SLC25A13: variants seen among roughly 807,000 people sequenced by gnomAD.
SLC25A13 encodes the protein electrogenic aspartate/glutamate antiporter SLC25A13, mitochondrial.
In SLC25A13, 70 loss-of-function variants were observed where a neutral mutation model predicts 85.5. The observed-to-expected ratio is 0.82, with a 90% CI of 0.68 to 1.00. The LOEUF (loss-of-function observed/expected upper bound fraction) is 1.00. Ranked by LOEUF, SLC25A13 falls within the 50% of genes least tolerant of loss-of-function variation. The pLI, the probability that SLC25A13 is intolerant of heterozygous loss-of-function variation, is 0.00. For missense variants in SLC25A13, 765 were observed against 819.8 expected (o/e 0.93, Z 0.82); for synonymous variants, 259 against 288.7 (o/e 0.90, Z 1.04).
At chr7:96,309,291 A>T (rs1191757430) in intron 1 of SLC25A13, among the ~76,000 whole-genome samples, 4 of 152,116 alleles carry the variant, frequency 2.6e-5, no homozygotes, top group African/African-American at 9.7e-5. Context: ...ATCACAAGGG[A>T]GAGTTTCTCT....
intron 11 of SLC25A13, among the ~76,000 whole-genome samples, chr7:96,175,858 A>C (rs1255251005): frequency 6.6e-6 from 1 of 152,272 alleles, no homozygotes; most frequent in Non-Finnish European, 1.5e-5. Context: ...ATTAACTTCA[A>C]CTTAGAATAA....
rs1421663575 is a variant in SLC25A13, at chr7:96,170,103, T to G, written c.1253A>C (p.Lys418Thr). ...KLTVNDFVRDKFMHKDGSVPL... is the reference protein window; with the variant it reads ...KLTVNDFVRDTFMHKDGSVPL... Reference sequence around the variant, plus strand: ...GACCGAACCATCTTTGTGCATAAATTTATCCCTCACAAAATCGTTCACCTT... The same window carrying G: ...GACCGAACCATCTTTGTGCATAAATGTATCCCTCACAAAATCGTTCACCTT... The change falls in exon 13 of 18, where the codon AAA (lysine) becomes ACA (threonine). Residue 418 changes from lysine (K) to threonine (T), a missense_variant. By Grantham distance (78) the Lys-to-Thr change is moderately conservative. Transcript: ENST00000265631. 10 of 1,614,182 alleles carry G rather than the reference T, an allele frequency of 6.2e-6. No homozygotes were observed. The South Asian group carries it at 9.9e-5, about 16-fold the overall frequency.
At chr7:96,184,459 C>T in intron 10 of SLC25A13, 24 bp from the exon 11 acceptor site, 2 of 1,610,784 alleles carry the variant, frequency 1.2e-6, no homozygotes, top group African/African-American at 1.3e-5. Flanking sequence ...ATATCATTAT[C>T]TCAGAAGAAA....
intron 3 of SLC25A13, among the ~76,000 whole-genome samples, chr7:96,269,959 G>C (rs1798173653): frequency 6.6e-6 from 1 of 152,194 alleles, no homozygotes; most frequent in Admixed American, 6.5e-5. Flanking sequence ...GCCTCCCTTG[G>C]GGGAAGGGGA....
At chr7:96,164,711 T>TACACACACACACACACACACACACAC (rs56377235) in intron 13 of SLC25A13, among the ~76,000 whole-genome samples, 136 of 143,120 alleles carry the variant, frequency 9.5e-4, no homozygotes, top group Middle Eastern at 3.6e-3. Flanking sequence ...GGATTAACTT[T>TACACACACACACACACACACACACAC]ACACACACAC....
At chr7:96,306,897 C>A in intron 1 of SLC25A13, 1 of 1,098,584 alleles carries the variant, frequency 9.1e-7, no homozygotes, top group Non-Finnish European at 1.4e-6. Context: ...ACTCCAATCT[C>A]TCTTGCCCTT....
intron 13 of SLC25A13, among the ~76,000 whole-genome samples, chr7:96,157,489 T>C (rs1430441746): frequency 2.0e-5 from 3 of 152,160 alleles, no homozygotes; most frequent in Non-Finnish European, 4.4e-5. Context: ...GGAAGTGATA[T>C]AGCTATTTAT....
intron 14 of SLC25A13, among the ~76,000 whole-genome samples, chr7:96,136,556 T>A (rs1484064375): frequency 1.3e-5 from 2 of 152,198 alleles, no homozygotes; most frequent in Non-Finnish European, 2.9e-5. Flanking sequence ...TTAAAACTCT[T>A]CATCTTGGAT....
intron 11 of SLC25A13, among the ~76,000 whole-genome samples, chr7:96,177,691 T>G (rs1188732262): frequency 6.6e-6 from 1 of 152,168 alleles, no homozygotes; most frequent in East Asian, 1.9e-4. Flanking sequence ...GAAATGGATT[T>G]TTGTTGTTGT....
intron 15 of SLC25A13, among the ~76,000 whole-genome samples, chr7:96,125,784 A>C (rs1020027961): frequency 1.3e-5 from 2 of 148,170 alleles, no homozygotes; most frequent in Non-Finnish European, 3.0e-5. Flanking sequence ...TTTATTTTCC[A>C]CATGTCTAAA....
At chr7:96,306,922 G>A in intron 1 of SLC25A13, 1 of 989,170 alleles carries the variant, frequency 1.0e-6, no homozygotes, top group Non-Finnish European at 1.6e-6. Flanking sequence ...TGTGTGCCTG[G>A]AGCCAGTCCC....
chr7:96,159,022 T>C (rs1162378746), intron 13 of SLC25A13, among the ~76,000 whole-genome samples: 1 of 152,182 alleles, frequency 6.6e-6, no homozygotes, highest in Non-Finnish European at 1.5e-5. Flanking sequence ...TTAAAACACA[T>C]TGCCAAATTG....
At chr7:96,228,215 A>C (rs1373647004) in intron 4 of SLC25A13, among the ~76,000 whole-genome samples, 2 of 152,216 alleles carry the variant, frequency 1.3e-5, no homozygotes, top group Admixed American at 6.5e-5. Context: ...GAAAATGCTG[A>C]TAATTTGTAC....
At chr7:96,125,587 G>A (rs577544317) in intron 15 of SLC25A13, among the ~76,000 whole-genome samples, 2 of 152,170 alleles carry the variant, frequency 1.3e-5, no homozygotes, top group Non-Finnish European at 2.9e-5. Flanking sequence ...AAGATGAGAA[G>A]TCAATCTTCT....
intron 3 of SLC25A13, among the ~76,000 whole-genome samples, chr7:96,240,374 T>C (rs1259714755): frequency 6.6e-6 from 1 of 151,970 alleles, no homozygotes. Context: ...CAAGTAAAGA[T>C]GGGAGATGCG....
intron 1 of SLC25A13, 93 bp from the exon 2 acceptor site, chr7:96,297,044 T>C (rs2116995118): frequency 1.2e-5 from 14 of 1,161,940 alleles, no homozygotes; most frequent in Middle Eastern, 2.2e-4. Context: ...GATTAAAAAT[T>C]AGTGCATTTC....
At chr7:96,173,749 T>C (rs138336704) in intron 11 of SLC25A13, among the ~76,000 whole-genome samples, 2 of 152,068 alleles carry the variant, frequency 1.3e-5, no homozygotes, top group Non-Finnish European at 2.9e-5. Context: ...AACTATAACA[T>C]CTAAGCCTGC....
chr7:96,244,956 G>GTATATATA (rs34956392), intron 3 of SLC25A13, among the ~76,000 whole-genome samples: 110 of 148,908 alleles, frequency 7.4e-4, no homozygotes, highest in African/African-American at 2.5e-3. Flanking sequence ...ATTGGCAAAA[G>GTATATATA]TATATATATA....
chr7:96,229,674 G>T (rs1334384593), intron 4 of SLC25A13, among the ~76,000 whole-genome samples: 3 of 151,698 alleles, frequency 2.0e-5, no homozygotes, highest in Admixed American at 2.0e-4. Flanking sequence ...GAACAACTCT[G>T]GACGGGAGGA....
Sources: allele counts gnomAD v4.1 joint callset (sites outside exome capture counted in the v4.1 genomes callset), GRCh38; gene constraint gnomAD v4.1.1; transcripts MANE v1.5; gene names NCBI Gene and HGNC (gene_info 2026-07-23, HGNC 2026-07-21).